The following MGAT5 variants were observed in gnomAD, a reference collection of about 807,000 sequenced individuals.
MGAT5 encodes the protein alpha-1,6-mannosylglycoprotein 6-beta-N-acetylglucosaminyltransferase, also known as alpha-1,6-mannosylglycoprotein 6-beta-N-acetylglucosaminyltransferase A.
In MGAT5, 30 loss-of-function variants were observed where a neutral mutation model predicts 94.3. That is an observed-to-expected ratio of 0.32 (90% CI 0.24 to 0.43). MGAT5 has a LOEUF of 0.43. Ranked by LOEUF, MGAT5 falls within the 20% of genes least tolerant of loss-of-function variation. The pLI is 1.00. For missense variants in MGAT5, 691 were observed against 905.5 expected, an observed-to-expected ratio of 0.76 and a Z score of 3.04; for synonymous variants, 310 against 322.9, an observed-to-expected ratio of 0.96 and a Z score of 0.43.
intron 1 of MGAT5, among the ~76,000 whole-genome samples, chr2:134,200,462 G>A (rs962817890): frequency 1.3e-5 from 2 of 152,196 alleles, no homozygotes; most frequent in African/African-American, 4.8e-5. Context: ...AATTAATGGT[G>A]TTACAAGTCT....
At chr2:134,156,723 C>T (rs529368357) in intron 1 of MGAT5, among the ~76,000 whole-genome samples, 1 of 152,258 alleles carries the variant, frequency 6.6e-6, no homozygotes, top group Non-Finnish European at 1.5e-5. Flanking sequence ...AACAAGTAGT[C>T]CGTTTCGAGG....
intron 2 of MGAT5, among the ~76,000 whole-genome samples, chr2:134,300,901 C>T (rs1221976991): frequency 2.0e-5 from 3 of 152,090 alleles, no homozygotes; most frequent in African/African-American, 7.2e-5. Flanking sequence ...CCCTGCACAG[C>T]CCAGTTCTTA....
At chr2:134,414,453 G>A (rs1230531413) in intron 12 of MGAT5, among the ~76,000 whole-genome samples, 1 of 152,068 alleles carries the variant, frequency 6.6e-6, no homozygotes, top group Non-Finnish European at 1.5e-5. Context: ...AGTTTGGCGG[G>A]GGGAAAGAAA....
Position 134,245,169 on chromosome 2 carries a change from C to T in MGAT5, c.-142-9093C>T, listed in dbSNP as rs376092733. 2.9e-4 allele frequency among the ~76,000 whole-genome samples: 44 copies of T among 152,238 alleles called. 2 individuals carry two copies. The East Asian group carries it at 7.0e-3, about 24-fold the overall frequency. On this transcript the variant is annotated intron_variant, in intron 1 of 16. Transcript: ENST00000409645. ...CTGGGACTGCAGGCGCCTGCCACCA[C>T]GCCCGGCTAATTTTTTGTATTTTTA...
At chr2:134,396,950 A>G (rs1171327349) in intron 10 of MGAT5, among the ~76,000 whole-genome samples, 2 of 152,224 alleles carry the variant, frequency 1.3e-5, no homozygotes, top group Admixed American at 6.5e-5. Context: ...CATCCAGAAG[A>G]AAAGGAGGGA....
intron 1 of MGAT5, among the ~76,000 whole-genome samples, chr2:134,225,677 A>G (rs1251068605): frequency 6.6e-6 from 1 of 152,208 alleles, no homozygotes; most frequent in Non-Finnish European, 1.5e-5. Context: ...TGCCTGTTGT[A>G]TACAGTCATT....
intron 15 of MGAT5, among the ~76,000 whole-genome samples, chr2:134,442,661 A>G (rs1032389330): frequency 2.6e-5 from 4 of 152,100 alleles, no homozygotes; most frequent in Non-Finnish European, 5.9e-5. Flanking sequence ...TTGCATTGGC[A>G]TTTTGAGTTG....
chr2:134,264,051 T>G (rs1683522640), intron 1 of MGAT5, among the ~76,000 whole-genome samples: 2 of 143,244 alleles, frequency 1.4e-5, no homozygotes, highest in Non-Finnish European at 3.0e-5. Flanking sequence ...AGATGGAGTT[T>G]CACTCTTGTT....
intron 1 of MGAT5, among the ~76,000 whole-genome samples, chr2:134,145,541 G>A (rs900693774): frequency 6.6e-6 from 1 of 152,058 alleles, no homozygotes; most frequent in Admixed American, 6.5e-5. Flanking sequence ...GCGAGACTCC[G>A]TCTCAAAAAA....
At chr2:134,306,355 T>C (rs1020112908) in intron 2 of MGAT5, among the ~76,000 whole-genome samples, 17 of 152,186 alleles carry the variant, frequency 1.1e-4, no homozygotes, top group African/African-American at 4.1e-4. Context: ...GTCTCAAAGC[T>C]GCTAGAATAT....
chr2:134,176,671 A>G (rs955920995), intron 1 of MGAT5, among the ~76,000 whole-genome samples: 2 of 152,148 alleles, frequency 1.3e-5, no homozygotes, highest in Non-Finnish European at 2.9e-5. Context: ...ACAAGCCCCT[A>G]ATTTTATTAG....
chr2:134,359,263 C>T (rs753468005), intron 9 of MGAT5, among the ~76,000 whole-genome samples: 1 of 152,220 alleles, frequency 6.6e-6, no homozygotes, highest in Non-Finnish European at 1.5e-5. Flanking sequence ...TGGTTTACCA[C>T]TGCTGTTCAC....
Position 134,270,377 on chromosome 2 carries a change from C to A in MGAT5, c.242-9C>A. 1 of 1,613,052 alleles carries A rather than the reference C, an allele frequency of 6.2e-7. No homozygotes were observed. Among genetic ancestry groups the A allele is most frequent in the Non-Finnish European group, 8.5e-7 (1 of 1,179,302 alleles). ...AGAATTTTAAAATTGTCTGCACTTT[C>A]TTTTACAGATCTGAAGAAAACCCTT... On this transcript the variant is annotated splice_polypyrimidine_tract_variant and intron_variant, in intron 1 of 15. Coordinates refer to ENST00000281923, the MANE Select transcript of MGAT5 (RefSeq NM_002410.5).
intron 4 of MGAT5, among the ~76,000 whole-genome samples, chr2:134,324,803 C>T (rs1219834196): frequency 6.6e-6 from 1 of 151,968 alleles, no homozygotes; most frequent in African/African-American, 2.4e-5. Flanking sequence ...CCGAGAATAC[C>T]AACACACACC....
chr2:134,392,899 C>CT (rs11406178), intron 10 of MGAT5, among the ~76,000 whole-genome samples: 148,172 of 152,274 alleles, frequency 0.97, 72,172 homozygotes, highest in East Asian at 1. Context: ...ACAGAAAGCC[C>CT]TTGGTGAGGG....
chr2:134,369,050 T>C (rs1308301013), intron 10 of MGAT5, among the ~76,000 whole-genome samples: 4 of 152,106 alleles, frequency 2.6e-5, no homozygotes, highest in Admixed American at 1.3e-4. Flanking sequence ...CAATCTCTCT[T>C]CCTTACTAGA....
At chr2:134,434,148 G>A (rs1450674831) in intron 14 of MGAT5, among the ~76,000 whole-genome samples, 1 of 152,198 alleles carries the variant, frequency 6.6e-6, no homozygotes, top group Non-Finnish European at 1.5e-5. Context: ...GAACAAGCCA[G>A]TCCCGCTACC....
intron 9 of MGAT5, among the ~76,000 whole-genome samples, chr2:134,353,577 GC>G (rs1315071464): frequency 2.0e-5 from 3 of 152,154 alleles, no homozygotes; most frequent in African/African-American, 7.2e-5. Flanking sequence ...CTTTGATCAT[GC>G]CTTTCTAGCA....
chr2:134,367,250 G>A (rs1031029557), intron 10 of MGAT5, among the ~76,000 whole-genome samples: 1 of 152,154 alleles, frequency 6.6e-6, no homozygotes, highest in Non-Finnish European at 1.5e-5. Flanking sequence ...TCATTATTGG[G>A]GCCAGATAGG....
Sources: allele counts gnomAD v4.1 joint callset (sites outside exome capture counted in the v4.1 genomes callset), GRCh38; gene constraint gnomAD v4.1.1; transcripts MANE v1.5; gene names NCBI Gene and HGNC (gene_info 2026-07-23, HGNC 2026-07-21).